The following LRRC7 variants were observed in gnomAD, a reference collection of about 807,000 sequenced individuals.
LRRC7 encodes the protein leucine rich repeat containing 7.
Under a neutral mutation model 175.7 loss-of-function variants are expected in LRRC7, and 23 were observed. That is an observed-to-expected ratio of 0.13 (90% CI 0.09 to 0.19). The LOEUF is 0.19. Ranked by LOEUF, LRRC7 falls within the 10% of genes least tolerant of loss-of-function variation. The pLI is 1.00. For missense variants in LRRC7, 1,354 were observed against 1,904.7 expected, an observed-to-expected ratio of 0.71 and a Z score of 5.38; for synonymous variants, 685 against 680.9, an observed-to-expected ratio of 1.01 and a Z score of -0.09.
chr1:69,677,915 G>A (rs906448201), intron 1 of LRRC7, among the ~76,000 whole-genome samples: 9 of 151,932 alleles, frequency 5.9e-5, no homozygotes, highest in Admixed American at 1.3e-4. Flanking sequence ...AGCTTCCTCC[G>A]TGTGTCCCCA....
intron 1 of LRRC7, among the ~76,000 whole-genome samples, chr1:69,634,494 G>A (rs1333273780): frequency 1.3e-5 from 2 of 152,058 alleles, no homozygotes; most frequent in East Asian, 3.9e-4. Context: ...TATGCTTTGA[G>A]TCCTAAAAAT....
intron 1 of LRRC7, among the ~76,000 whole-genome samples, chr1:69,623,925 C>G (rs1291107418): frequency 6.6e-6 from 1 of 152,006 alleles, no homozygotes; most frequent in Non-Finnish European, 1.5e-5. Flanking sequence ...TTGCTTGTTT[C>G]TTTGTTTTTG....
rs59433068 is a variant in LRRC7 at position 69,624,460 on chromosome 1, C to T, written c.3-53921C>T. Among the ~76,000 whole-genome samples, 990 of 151,972 alleles carry T rather than the reference C, an allele frequency of 6.5e-3. 5 individuals carry two copies. The highest frequency in any genetic ancestry group is 0.023 in the African/African-American group (937 of 41,468). On this transcript the variant is annotated intron_variant, in intron 1 of 26. Coordinates refer to ENST00000651989, the MANE Select transcript of LRRC7 (RefSeq NM_001370785.2). Reference sequence around the variant, plus strand: ...TATTTGCAAATATCTTCTCCCACTCCATAATTTGTTTTTTCCACTTATCAT... The same window carrying T: ...TATTTGCAAATATCTTCTCCCACTCTATAATTTGTTTTTTCCACTTATCAT...
At chr1:69,922,180 C>T (rs1019276224) in intron 7 of LRRC7, among the ~76,000 whole-genome samples, 8 of 152,174 alleles carry the variant, frequency 5.3e-5, no homozygotes, top group Admixed American at 2.6e-4. Flanking sequence ...CCTGCCTCGG[C>T]CCCCCAAAGT....
intron 1 of LRRC7, among the ~76,000 whole-genome samples, chr1:69,671,734 G>A (rs1659106322): frequency 6.6e-6 from 1 of 152,096 alleles, no homozygotes; most frequent in Non-Finnish European, 1.5e-5. Flanking sequence ...TCCCTCTGTG[G>A]TCGGGCATCA....
chr1:69,792,084 T>C lies in LRRC7; in HGVS notation c.345T>C (p.Pro115=). Reference sequence around the variant, plus strand: ...AAGCTCTACGAAAACTAAGTATTCCTGATAACGACCTTTCAAATCTGCCAA... The same window carrying C: ...AAGCTCTACGAAAACTAAGTATTCCCGATAACGACCTTTCAAATCTGCCAA... ...NCQALRKLSI[P]DNDLSNLPTT... is the part of the protein sequence containing the mutation. The change falls in exon 4 of 27, where the codon CCT becomes CCC. Residue 115 remains proline, a synonymous_variant. Transcript: ENST00000651989. The C allele has an allele frequency of 6.2e-7, 1 of 1,611,060 alleles. No individual in the cohort carries two copies. Among genetic ancestry groups the C allele is most frequent in the African/African-American group, 1.3e-5 (1 of 74,964 alleles).
chr1:70,057,877 C>T (rs1251119120), intron 23 of LRRC7, among the ~76,000 whole-genome samples: 1 of 151,974 alleles, frequency 6.6e-6, no homozygotes, highest in Non-Finnish European at 1.5e-5. Flanking sequence ...ATCTATTGTC[C>T]CTGTCCTGTG....
In LRRC7 at chr1:69,886,160, C is replaced by T. The variant is rs577043698; in HGVS notation, c.648-45347C>T. Among the ~76,000 whole-genome samples, 594 of 151,948 alleles carry T rather than the reference C, an allele frequency of 3.9e-3. 3 individuals are homozygous for T. Among genetic ancestry groups the T allele is most frequent in the African/African-American group, 0.013 (547 of 41,410 alleles). On this transcript the variant is annotated intron_variant, in intron 7 of 26. Transcript: ENST00000651989. ...GGTTGGTGCAGAGCTGAGTTCAATT[C>T]CTGGGTATCCTTGTTAACTTTCTGT...
At chr1:70,025,833 G>GC (rs1557999555) in intron 17 of LRRC7, among the ~76,000 whole-genome samples, 4 of 105,136 alleles carry the variant, frequency 3.8e-5, no homozygotes, top group African/African-American at 2.4e-4. Flanking sequence ...TCAATTTAAG[G>GC]GGGGGGGGGT....
At chr1:69,822,430 C>G (rs1282200749) in intron 4 of LRRC7, among the ~76,000 whole-genome samples, 1 of 152,212 alleles carries the variant, frequency 6.6e-6, no homozygotes, top group Non-Finnish European at 1.5e-5. Context: ...GCATACCGAA[C>G]AGGTCATGGG....
chr1:69,749,667 A>G (rs1273399524), intron 2 of LRRC7, among the ~76,000 whole-genome samples: 1 of 152,188 alleles, frequency 6.6e-6, no homozygotes, highest in African/African-American at 2.4e-5. Context: ...TATAAGTTTT[A>G]CCATAGATTG....
chr1:69,838,295 T>C lies in LRRC7; in HGVS notation c.647+12T>C, dbSNP rs763688928. On this transcript the variant is annotated intron_variant, in intron 7 of 26. Transcript: ENST00000651989. Reference sequence around the variant, plus strand: ...AAAACTCTACCAAAGTAAGTGACTGTGTATTTTCTGAATTTTGAACTGTGA... The same window carrying C: ...AAAACTCTACCAAAGTAAGTGACTGCGTATTTTCTGAATTTTGAACTGTGA... 6.3e-6 allele frequency: 10 copies of C among 1,596,518 alleles called. No individual in the cohort carries two copies. The highest frequency in any genetic ancestry group is 1.1e-5 in the South Asian group (1 of 90,560).
chr1:70,048,797 C>G (rs1470472647), intron 22 of LRRC7, among the ~76,000 whole-genome samples: 1 of 152,048 alleles, frequency 6.6e-6, no homozygotes, highest in Non-Finnish European at 1.5e-5. Flanking sequence ...TTCCTGAGCA[C>G]TCAGTATCAC....
chr1:69,837,495 A>G, intron 6 of LRRC7, among the ~76,000 whole-genome samples: 1 of 151,916 alleles, frequency 6.6e-6, no homozygotes, highest in Non-Finnish European at 1.5e-5. Flanking sequence ...CCAGTGTCAG[A>G]GAGGCAGAAT....
intron 1 of LRRC7, among the ~76,000 whole-genome samples, chr1:69,654,924 A>T (rs1273845761): frequency 6.6e-6 from 1 of 152,122 alleles, no homozygotes; most frequent in East Asian, 1.9e-4. Flanking sequence ...TATCCATTCC[A>T]AATATGTTGG....
chr1:69,974,428 A>G (rs1047391203), intron 8 of LRRC7, among the ~76,000 whole-genome samples: 1 of 152,200 alleles, frequency 6.6e-6, no homozygotes, highest in South Asian at 2.1e-4. Context: ...AAAAAATTAC[A>G]GTTTATAATC....
chr1:69,828,803 C>T (rs1680216149), intron 5 of LRRC7, among the ~76,000 whole-genome samples: 1 of 151,868 alleles, frequency 6.6e-6, no homozygotes, highest in Non-Finnish European at 1.5e-5. Flanking sequence ...AGAATAGAAA[C>T]TTCTACGTTG....
At chr1:69,641,300 A>G (rs975460743) in intron 1 of LRRC7, among the ~76,000 whole-genome samples, 4 of 151,674 alleles carry the variant, frequency 2.6e-5, no homozygotes, top group African/African-American at 9.6e-5. Context: ...GAAATTACCT[A>G]TCTCAGACCT....
intron 10 of LRRC7, among the ~76,000 whole-genome samples, chr1:69,993,861 C>G (rs1654677004): frequency 6.6e-6 from 1 of 152,016 alleles, no homozygotes; most frequent in Non-Finnish European, 1.5e-5. Context: ...TTGATTATGC[C>G]AAATGCAGCT....
Sources: gnomAD v4.1 joint callset for allele counts (sites outside exome capture counted in the v4.1 genomes callset) on GRCh38, gnomAD v4.1.1 for gene constraint, MANE v1.5 for transcripts, NCBI Gene and HGNC (gene_info 2026-07-23, HGNC 2026-07-21) for gene names.